SEC16A: variants seen among roughly 807,000 people sequenced by gnomAD.
The protein encoded by SEC16A is protein transport protein Sec16A.
SEC16A carries 110 observed loss-of-function variants against 221.9 expected under a neutral mutation model. That is an observed-to-expected ratio of 0.50 (90% CI 0.42 to 0.58). The LOEUF (loss-of-function observed/expected upper bound fraction) is 0.58, where lower values mean the gene tolerates loss of function less well. Ranked by LOEUF, SEC16A falls within the 20% of genes least tolerant of loss-of-function variation. The pLI, the probability that SEC16A is intolerant of heterozygous loss-of-function variation, is 0.00. For missense variants in SEC16A, 3,165 were observed against 3,097.8 expected (o/e 1.02, Z -0.52); for synonymous variants, 1,393 against 1,257.7 (o/e 1.11, Z -2.28).
intron 1 of SEC16A, among the ~76,000 whole-genome samples, chr9:136,479,863 G>A (rs941925558): frequency 2.0e-5 from 3 of 151,860 alleles, no homozygotes; most frequent in Non-Finnish European, 4.4e-5. Flanking sequence ...AATGCCGGTC[G>A]TGGTGGTGCG....
At position 136,451,113 on chromosome 9, in the gene SEC16A, G is replaced by C. The variant is rs1301902014; in HGVS notation, c.6312+143C>G. 6.2e-6 allele frequency: 5 copies of C among 810,862 alleles called. No individual in the cohort carries two copies. The African/African-American group carries it at 8.7e-5, about 14-fold the overall frequency. 50.2% of individuals were successfully genotyped at this position (810,862 alleles called of 1,614,324 possible). On this transcript the variant is annotated intron_variant, in intron 23 of 31. Coordinates refer to ENST00000684901, the MANE Select transcript of SEC16A (RefSeq NM_014866.2). ...GCACAAATACACAGACACCCATCAT[G>C]CCGTGTGCACTGTAGACACTCGGCT...
At chr9:136,454,920 G>A (rs537762586) in intron 20 of SEC16A, among the ~76,000 whole-genome samples, 10 of 152,332 alleles carry the variant, frequency 6.6e-5, no homozygotes, top group Non-Finnish European at 1.0e-4. Context: ...GCCCAAATCA[G>A]GAGTGTGGCT....
chr9:136,473,823 A>G (rs1841227398), intron 3 of SEC16A, among the ~76,000 whole-genome samples: 1 of 152,238 alleles, frequency 6.6e-6, no homozygotes, highest in Admixed American at 6.5e-5. Context: ...TCAAGATGCT[A>G]ACGCGTGGTG....
intron 1 of SEC16A, among the ~76,000 whole-genome samples, chr9:136,480,949 C>G (rs1261201694): frequency 1.3e-5 from 2 of 151,940 alleles, no homozygotes; most frequent in Non-Finnish European, 2.9e-5. Flanking sequence ...CAAACATTAT[C>G]ACTTACAAGG....
chr9:136,469,616 T>G (rs1392808520), intron 4 of SEC16A, among the ~76,000 whole-genome samples: 1 of 152,216 alleles, frequency 6.6e-6, no homozygotes, highest in Non-Finnish European at 1.5e-5. Flanking sequence ...CAGTGAGCTA[T>G]GACGGCACCA....
rs771834593 is a variant in SEC16A, at chr9:136,477,509, T to G, written c.107A>C (p.Asn36Thr). The G allele has an allele frequency of 9.3e-6, 15 of 1,613,772 alleles. No individual in the cohort carries two copies. Among genetic ancestry groups the G allele is most frequent in the Non-Finnish European group, 1.3e-5 (15 of 1,179,888 alleles). Reference protein sequence around the residue: ...WASSPYRRRANNNAAVAPTTC... With the variant: ...WASSPYRRRATNNAAVAPTTC... ...TGTCGGAGCCACTGCTGCATTATTATTAGCCCGTCTCCTGTAAGGGCTGCT... is the reference window on the plus strand; with the variant it reads ...TGTCGGAGCCACTGCTGCATTATTAGTAGCCCGTCTCCTGTAAGGGCTGCT... The change falls in exon 3 of 32, where the codon AAT becomes ACT. Residue 36 changes from asparagine (N) to threonine (T), a missense_variant. By Grantham distance (65) the Asn-to-Thr change is moderately conservative. Around this residue, in one of 3 missense-constraint regions of SEC16A, gnomAD observed 2,030 missense variants for 1,923.1 expected, o/e 1.06. Transcript: ENST00000684901.
chr9:136,470,193 G>A (rs1276438997), intron 4 of SEC16A, among the ~76,000 whole-genome samples: 3 of 152,228 alleles, frequency 2.0e-5, no homozygotes, highest in Non-Finnish European at 4.4e-5. Flanking sequence ...CAGAGCCTGC[G>A]CAAGCCAGGG....
At chr9:136,469,480 C>T (rs937569765) in intron 4 of SEC16A, among the ~76,000 whole-genome samples, 1 of 152,172 alleles carries the variant, frequency 6.6e-6, no homozygotes, top group African/African-American at 2.4e-5. Flanking sequence ...CTGGTAAACA[C>T]AGTGAGACCC....
At chr9:136,448,735 G>A (rs1168682217) in intron 23 of SEC16A, 1 of 698,596 alleles carries the variant, frequency 1.4e-6, no homozygotes, top group Non-Finnish European at 2.6e-6. Flanking sequence ...AGAGACACCA[G>A]GAGGATGGAG....
In SEC16A at chr9:136,478,832, T is replaced by C. The variant is rs544682456; in HGVS notation, c.-191-2A>G. 1.9e-4 allele frequency among the ~76,000 whole-genome samples: 29 copies of C among 152,346 alleles called. No individual in the cohort carries two copies. The highest frequency in any genetic ancestry group is 1.4e-3 in the Admixed American group (22 of 15,302). ...CTGGGCAACAGAGCAAGACGGTCTC[T>C]ATTTTAAAAAAATAAATAAATAAAA... On this transcript the variant is annotated splice_acceptor_variant, in intron 1 of 31. Coordinates refer to ENST00000684901, the MANE Select transcript of SEC16A (RefSeq NM_014866.2). LOFTEE classifies it low-confidence loss of function (5UTR_SPLICE).
chr9:136,475,678 T>C lies in SEC16A; in HGVS notation c.1938A>G (p.Arg646=), dbSNP rs377232552. 5.5e-5 allele frequency: 88 copies of C among 1,613,612 alleles called. No homozygotes were observed. The highest frequency in any genetic ancestry group is 7.0e-5 in the Non-Finnish European group (83 of 1,179,856). Residue 646 remains arginine (R), a synonymous_variant, in exon 3 of 32, where the codon AGA becomes AGG. Coordinates refer to ENST00000684901, the MANE Select transcript of SEC16A (RefSeq NM_014866.2). This position sits in a 1 kb window ranked among gnomAD's most constrained non-coding sequence, Gnocchi z 5.0. The stretch of plus-strand genomic sequence containing the variant: ...AAGCATCGGGCAGGGCGGCAGCTGG[T>C]CTGCACTGCTTCTGGCGGACACAGG... ...RETCVRQKQC[R]PAAALPDASP...
At chr9:136,458,983 A>G (rs1015206819) in intron 17 of SEC16A, 151 bp downstream of exon 17, 26 of 541,472 alleles carry the variant, frequency 4.8e-5, no homozygotes, top group Non-Finnish European at 7.9e-5. Context: ...GTTTCTTAGC[A>G]TTTTAGATCA....
intron 4 of SEC16A, among the ~76,000 whole-genome samples, chr9:136,470,251 C>T (rs373593660): frequency 3.9e-5 from 6 of 152,242 alleles, no homozygotes; most frequent in South Asian, 2.1e-4. Context: ...AGTAAGCCTG[C>T]GGATCTGGTG....
At chr9:136,458,576 G>A (rs558400702) in intron 17 of SEC16A, among the ~76,000 whole-genome samples, 2 of 151,002 alleles carry the variant, frequency 1.3e-5, no homozygotes, top group South Asian at 2.1e-4. Context: ...TGCAGTGAGC[G>A]GAGATCGTGC....
In SEC16A at chr9:136,475,917, C is replaced by T. The variant is rs761949149; in HGVS notation, c.1699G>A (p.Asp567Asn). The T allele has an allele frequency of 3.1e-6, 5 of 1,612,798 alleles. No individual in the cohort carries two copies. The highest frequency in any genetic ancestry group is 1.1e-5 in the South Asian group (1 of 90,878). The change falls in exon 3 of 32, where the codon GAT (aspartate) becomes AAT (asparagine). Residue 567 changes from aspartate (D) to asparagine (N), a missense_variant. Around this residue, in one of 3 missense-constraint regions of SEC16A, gnomAD observed 2,030 missense variants for 1,923.1 expected, o/e 1.06. Transcript: ENST00000684901. The surrounding 1 kb of genome is among the most constrained non-coding windows in gnomAD (Gnocchi z 5.0). ...EASGSFFKQI[D>N]SSPVGGETDE... ...GTTTCACCTCCTACGGGAGAAGAAT[C>T]GATTTGCTTAAAAAAACTACCTGAA...
rs1207517042 is a variant in SEC16A, at chr9:136,474,586, G to A, written c.3030C>T (p.Asn1010=). 1 of 1,612,902 alleles carries A rather than the reference G, an allele frequency of 6.2e-7. No homozygotes were observed. The highest frequency in any genetic ancestry group is 8.5e-7 in the Non-Finnish European group (1 of 1,179,816). The change falls in exon 3 of 32, where the codon AAC becomes AAT. Residue 1010 remains asparagine, a synonymous_variant. Coordinates refer to ENST00000684901, the MANE Select transcript of SEC16A (RefSeq NM_014866.2). ...AAGCGAGGCTGTCAGAATGGGACGG[G>A]TTGTACACGTTTACAGGATTTTCCA... ...RTLENPVNVY[N]PSHSDSLASQ...
In SEC16A at chr9:136,474,176, A is replaced by G. The variant is rs563330827; in HGVS notation, c.3440T>C (p.Leu1147Pro). The change falls in exon 3 of 32, where the codon CTT (leucine) becomes CCT (proline). Residue 1147 changes from leucine (L) to proline (P), a missense_variant. By Grantham distance (98) the Leu-to-Pro change is moderately conservative. This residue lies in a region of SEC16A where 2,030 missense variants were observed against 1,923.1 expected (regional missense o/e 1.06). Transcript: ENST00000684901. ...EQPWPQPVPA[L>P]APGPPPQDLA... is the part of the protein sequence containing the mutation. The stretch of plus-strand genomic sequence containing the variant: ...GTCCTGAGGCGGTGGGCCGGGGGCA[A>G]GTGCAGGCACTGGCTGTGGCCACGG... 1.2e-6 allele frequency: 2 copies of G among 1,613,124 alleles called. No homozygotes were observed. Among genetic ancestry groups the G allele is most frequent in the Admixed American group, 1.7e-5 (1 of 59,986 alleles).
Position 136,482,985 on chromosome 9 carries a change from C to A in SEC16A, c.-239G>T. 1.0e-6 allele frequency: 1 copy of A among 985,352 alleles called. No individual in the cohort carries two copies. Among genetic ancestry groups the A allele is most frequent in the Non-Finnish European group, 1.2e-6 (1 of 829,884 alleles). 61.0% of individuals were successfully genotyped at this position (985,352 alleles called of 1,614,324 possible). On this transcript the variant is annotated 5_prime_UTR_variant, in exon 1 of 32. Transcript: ENST00000684901. ...TCAGGAGCCGCGGGCGAAAGCCCAC[C>A]CGACGCTGGCGACGAGCACAGACAC...
upstream of SEC16A, chr9:136,483,117 G>T (rs1842628673): frequency 2.9e-6 from 2 of 690,980 alleles, no homozygotes; most frequent in East Asian, 1.4e-4. Flanking sequence ...CCCTGGCCCC[G>T]CCCCTCGGCT....
Sources: allele counts gnomAD v4.1 joint callset (sites outside exome capture counted in the v4.1 genomes callset), GRCh38; gene constraint gnomAD v4.1.1; regional missense constraint gnomAD v4.1.1; non-coding constraint Gnocchi (gnomAD v3.1); transcripts MANE v1.5; gene names NCBI Gene and HGNC (gene_info 2026-07-23, HGNC 2026-07-21).